PTPRD: variants seen among roughly 807,000 people sequenced by gnomAD.
PTPRD encodes receptor-type tyrosine-protein phosphatase delta.
In PTPRD, 34 loss-of-function variants were observed where a neutral mutation model predicts 214.5. The observed-to-expected ratio is 0.16, with a 90% CI of 0.12 to 0.21. The LOEUF is 0.21. PTPRD is among the 10% of genes least tolerant of loss of function. The pLI, the probability that PTPRD is intolerant of heterozygous loss-of-function variation, is 1.00. For missense variants in PTPRD, 2,545 were observed against 2,398.7 expected, an observed-to-expected ratio of 1.06 and a Z score of -1.27; for synonymous variants, 1,128 against 845.7, an observed-to-expected ratio of 1.33 and a Z score of -5.79.
chr9:8,337,588 G>GACTT (rs1203632942), intron 43 of PTPRD, among the ~76,000 whole-genome samples: 19 of 151,918 alleles, frequency 1.3e-4, no homozygotes, highest in East Asian at 9.7e-4. Flanking sequence ...ATGTATTCAG[G>GACTT]ACTTACACTC....
In PTPRD at chr9:8,625,094, A is replaced by G. The variant is rs551767968; in HGVS notation, c.352+8223T>C. Among the ~76,000 whole-genome samples, 243 of 151,940 alleles carry G rather than the reference A, an allele frequency of 1.6e-3. 1 individual carries two copies. The highest frequency in any genetic ancestry group is 5.5e-3 in the African/African-American group (228 of 41,514). ...GAAAACTGTAATGGAGCTTATACAC[A>G]AAGGAAGAGGTATACAGGATAAAAG... is the stretch of plus-strand genomic sequence containing the variant. On this transcript the variant is annotated intron_variant, in intron 14 of 45. Transcript: ENST00000381196.
chr9:10,198,636 T>A (rs1366386799), intron 3 of PTPRD, among the ~76,000 whole-genome samples: 1 of 152,156 alleles, frequency 6.6e-6, no homozygotes, highest in East Asian at 1.9e-4. Context: ...AATTTCATTT[T>A]TACTGATGGT....
At chr9:9,308,229 C>A (rs1464458247) in intron 9 of PTPRD, among the ~76,000 whole-genome samples, 5 of 152,006 alleles carry the variant, frequency 3.3e-5, no homozygotes, top group African/African-American at 9.7e-5. Flanking sequence ...GTAATATCAC[C>A]AACTAATGAC....
At chr9:9,446,553 G>A (rs141455907) in intron 8 of PTPRD, among the ~76,000 whole-genome samples, 10 of 152,188 alleles carry the variant, frequency 6.6e-5, no homozygotes, top group African/African-American at 2.4e-4. Context: ...TCAATTCACT[G>A]TCTCTTCAAT....
intron 4 of PTPRD, among the ~76,000 whole-genome samples, chr9:9,992,398 C>T (rs1227123038): frequency 6.6e-6 from 1 of 152,126 alleles, no homozygotes; most frequent in Admixed American, 6.5e-5. Flanking sequence ...GTGGCGATTC[C>T]TCAAGGATCT....
intron 21 of PTPRD, among the ~76,000 whole-genome samples, chr9:8,516,592 G>C (rs2138325265): frequency 2.0e-5 from 3 of 152,106 alleles, no homozygotes; most frequent in Non-Finnish European, 4.4e-5. Context: ...TCTAGTACTG[G>C]CATCTGAGAA....
intron 4 of PTPRD, among the ~76,000 whole-genome samples, chr9:9,951,511 C>A (rs1422617956): frequency 3.3e-5 from 5 of 152,156 alleles, no homozygotes; most frequent in Non-Finnish European, 7.4e-5. Flanking sequence ...GAATTTTGAA[C>A]CCCTAAATTC....
intron 9 of PTPRD, among the ~76,000 whole-genome samples, chr9:9,301,674 T>G (rs978553712): frequency 6.6e-6 from 1 of 151,964 alleles, no homozygotes; most frequent in African/African-American, 2.4e-5. Context: ...AATTGTTTAT[T>G]GCATTGAGAA....
intron 10 of PTPRD, among the ~76,000 whole-genome samples, chr9:9,053,822 G>C (rs1166881339): frequency 2.0e-5 from 3 of 152,140 alleles, no homozygotes; most frequent in Non-Finnish European, 4.4e-5. Flanking sequence ...ATTAGGTTTA[G>C]AAAGTAATTC....
chr9:9,766,559 A>G (rs2098708537), intron 6 of PTPRD, among the ~76,000 whole-genome samples: 1 of 152,144 alleles, frequency 6.6e-6, no homozygotes, highest in Non-Finnish European at 1.5e-5. Context: ...TTAACTTGCA[A>G]GAGCATTAGT....
intron 8 of PTPRD, among the ~76,000 whole-genome samples, chr9:9,567,991 T>G (rs2085117844): frequency 6.6e-6 from 1 of 151,744 alleles, no homozygotes; most frequent in Non-Finnish European, 1.5e-5. Flanking sequence ...ATATGTAACC[T>G]ATAATTACGG....
intron 8 of PTPRD, among the ~76,000 whole-genome samples, chr9:9,430,005 C>T (rs62532951): frequency 0.31 from 47,304 of 151,930 alleles, 7,884 homozygotes; most frequent in Middle Eastern, 0.41. Flanking sequence ...ACAGGGATGC[C>T]CTCTCTCACC....
chr9:9,648,760 G>A (rs1002366449), intron 7 of PTPRD, among the ~76,000 whole-genome samples: 10 of 152,088 alleles, frequency 6.6e-5, no homozygotes, highest in African/African-American at 2.2e-4. Context: ...TAAACGTAAT[G>A]TTCTTATATT....
At chr9:8,329,548 G>A (rs2131422837) in intron 44 of PTPRD, among the ~76,000 whole-genome samples, 1 of 152,254 alleles carries the variant, frequency 6.6e-6, no homozygotes, top group Middle Eastern at 3.4e-3. Context: ...ACACTGCACT[G>A]GGAGAAATGC....
chr9:9,854,819 A>G (rs2061243691), intron 5 of PTPRD, among the ~76,000 whole-genome samples: 1 of 152,108 alleles, frequency 6.6e-6, no homozygotes, highest in African/African-American at 2.4e-5. Flanking sequence ...TCTGGGTGTA[A>G]TTGTACCTTT....
chr9:9,374,717 G>C (rs987111848), intron 9 of PTPRD, among the ~76,000 whole-genome samples: 1 of 152,178 alleles, frequency 6.6e-6, no homozygotes, highest in Non-Finnish European at 1.5e-5. Flanking sequence ...CTAAGCTCTT[G>C]TAAAACAATG....
chr9:8,470,048 G>A (rs2096621858), intron 31 of PTPRD, among the ~76,000 whole-genome samples: 1 of 152,092 alleles, frequency 6.6e-6, no homozygotes, highest in Non-Finnish European at 1.5e-5. Context: ...ATAAAAGATT[G>A]TACTACAAGA....
intron 17 of PTPRD, among the ~76,000 whole-genome samples, chr9:8,526,226 G>A (rs535452634): frequency 7.4e-6 from 1 of 135,312 alleles, no homozygotes; most frequent in Non-Finnish European, 1.6e-5. Context: ...GAAAAAAAAT[G>A]ATCTTTTTTT....
chr9:8,480,634 G>A (rs1015429221), intron 30 of PTPRD, among the ~76,000 whole-genome samples: 3 of 152,132 alleles, frequency 2.0e-5, no homozygotes, highest in African/African-American at 7.2e-5. Context: ...AACTCATTGA[G>A]TTGTATACAT....
Sources: gnomAD v4.1 joint callset for allele counts (sites outside exome capture counted in the v4.1 genomes callset) on GRCh38, gnomAD v4.1.1 for gene constraint, MANE v1.5 for transcripts, NCBI Gene and HGNC (gene_info 2026-07-23, HGNC 2026-07-21) for gene names.